ADK: variants seen among roughly 807,000 people sequenced by gnomAD.
ADK encodes N6,N6-dimethyladenosine kinase.
In ADK, 24 loss-of-function variants were observed where a neutral mutation model predicts 44.7. That is an observed-to-expected ratio of 0.54 (90% confidence interval 0.39 to 0.76). The LOEUF (loss-of-function observed/expected upper bound fraction) is 0.76, where lower values mean the gene tolerates loss of function less well. ADK is among the 30% of genes least tolerant of loss of function. ADK has a pLI of 0.00. For synonymous variants in ADK, 128 were observed against 142.6 expected, an observed-to-expected ratio of 0.90 and a Z score of 0.73; for missense variants, 321 against 425.1, an observed-to-expected ratio of 0.76 and a Z score of 2.15.
At chr10:74,398,629 T>G in intron 6 of ADK, 50 bp downstream of exon 6, 3 of 1,050,782 alleles carry the variant, frequency 2.9e-6, no homozygotes, top group Non-Finnish European at 4.3e-6. Flanking sequence ...CATGATGGAT[T>G]ATAGTTGTTG....
At chr10:74,464,843 A>AAGAGAGAGAAAAAGAG (rs1554862943) in intron 6 of ADK, among the ~76,000 whole-genome samples, 2 of 151,804 alleles carry the variant, frequency 1.3e-5, no homozygotes, top group African/African-American at 4.8e-5. Flanking sequence ...TTAAGAAAAA[A>AAGAGAGAGAAAAAGAG]AGAGAGAGAG....
chr10:74,335,137 C>G (rs912154650), intron 4 of ADK, among the ~76,000 whole-genome samples: 1 of 152,186 alleles, frequency 6.6e-6, no homozygotes, highest in African/African-American at 2.4e-5. Context: ...TCTACCTGCC[C>G]TGTGACCAAT....
chr10:74,479,450 A>C (rs1846986996), intron 6 of ADK, among the ~76,000 whole-genome samples: 1 of 108,274 alleles, frequency 9.2e-6, no homozygotes, highest in African/African-American at 3.6e-5. Flanking sequence ...AGCCACTTTG[A>C]ATTGGTTTGT....
At chr10:74,589,222 G>A in intron 7 of ADK, 60 bp from the exon 8 acceptor site, 1 of 1,504,544 alleles carries the variant, frequency 6.6e-7, no homozygotes, top group Admixed American at 1.7e-5. Flanking sequence ...TCAAAAAATG[G>A]ATTATTTCTT....
At chr10:74,487,832 A>G (rs1044184473) in intron 6 of ADK, among the ~76,000 whole-genome samples, 2 of 152,016 alleles carry the variant, frequency 1.3e-5, no homozygotes, top group African/African-American at 4.8e-5. Flanking sequence ...AAATGTTAGA[A>G]CAGTTAAAAA....
At chr10:74,482,684 T>A (rs1300339365) in intron 6 of ADK, among the ~76,000 whole-genome samples, 1 of 152,204 alleles carries the variant, frequency 6.6e-6, no homozygotes, top group Non-Finnish European at 1.5e-5. Context: ...GATACAGGCA[T>A]TGGGTAAATC....
intron 6 of ADK, among the ~76,000 whole-genome samples, chr10:74,510,392 T>C (rs192249505): frequency 3.6e-4 from 55 of 152,308 alleles, no homozygotes; most frequent in African/African-American, 1.3e-3. Context: ...CATTTACCTA[T>C]TTTTTAATAA....
At chr10:74,351,486 G>A (rs892422226) in intron 4 of ADK, among the ~76,000 whole-genome samples, 6 of 152,154 alleles carry the variant, frequency 3.9e-5, no homozygotes, top group Admixed American at 1.3e-4. Flanking sequence ...AAAGCTGGAA[G>A]CATTCCCTTT....
intron 7 of ADK, among the ~76,000 whole-genome samples, chr10:74,583,495 G>T (rs1002252842): frequency 6.6e-6 from 1 of 152,154 alleles, no homozygotes; most frequent in African/African-American, 2.4e-5. Context: ...CATTTAGATA[G>T]CATATATCTA....
At chr10:74,439,970 A>G (rs1159390321) in intron 6 of ADK, among the ~76,000 whole-genome samples, 2 of 151,970 alleles carry the variant, frequency 1.3e-5, no homozygotes, top group Non-Finnish European at 2.9e-5. Context: ...TAGTTTTCTT[A>G]TAATAAGGTA....
chr10:74,509,620 A>G (rs1350113599), intron 6 of ADK: 1 of 152,180 alleles, frequency 6.6e-6, no homozygotes, highest in East Asian at 1.9e-4. Context: ...TATTTAAACT[A>G]TTTAATATAT....
intron 7 of ADK, among the ~76,000 whole-genome samples, chr10:74,534,886 A>C (rs548134040): frequency 6.6e-6 from 1 of 152,204 alleles, no homozygotes; most frequent in Non-Finnish European, 1.5e-5. Context: ...TTTGCTTACA[A>C]AAGTTAATTA....
At chr10:74,450,995 A>G (rs892757476) in intron 6 of ADK, among the ~76,000 whole-genome samples, 3 of 151,760 alleles carry the variant, frequency 2.0e-5, no homozygotes, top group Admixed American at 6.5e-5. Flanking sequence ...ATGCCCAAGG[A>G]AAAACAATAC....
At chr10:74,180,362 C>T (rs1842495704) in intron 1 of ADK, among the ~76,000 whole-genome samples, 4 of 150,450 alleles carry the variant, frequency 2.7e-5, no homozygotes, top group East Asian at 1.9e-4. Flanking sequence ...CTCAGCCTCC[C>T]GAGTAGCTGG....
chr10:74,260,337 A>G (rs1026092076), intron 3 of ADK, among the ~76,000 whole-genome samples: 1 of 152,200 alleles, frequency 6.6e-6, no homozygotes, highest in African/African-American at 2.4e-5. Context: ...TGGTGTGATC[A>G]CAGCTCACTG....
intron 5 of ADK, among the ~76,000 whole-genome samples, chr10:74,395,522 G>A (rs1053471031): frequency 6.6e-6 from 1 of 151,794 alleles, no homozygotes; most frequent in African/African-American, 2.4e-5. Flanking sequence ...TTGAAATATG[G>A]GATTCAGGGA....
At chr10:74,222,840 A>C (rs1032822487) in intron 2 of ADK, among the ~76,000 whole-genome samples, 1 of 120,592 alleles carries the variant, frequency 8.3e-6, no homozygotes, top group Non-Finnish European at 1.6e-5. Flanking sequence ...GAAGGGGAAC[A>C]TCACACTCTG....
chr10:74,618,759 TA>T (rs1415477874), intron 9 of ADK, among the ~76,000 whole-genome samples: 1 of 152,120 alleles, frequency 6.6e-6, no homozygotes, highest in East Asian at 1.9e-4. Context: ...TGCTCTTTTA[TA>T]TATAATATTT....
chr10:74,196,709 A>G (rs1221653695), intron 1 of ADK, among the ~76,000 whole-genome samples: 1 of 152,194 alleles, frequency 6.6e-6, no homozygotes, highest in South Asian at 2.1e-4. Context: ...AAACAAAACT[A>G]CCGACATATG....
Sources: allele counts gnomAD v4.1 joint callset (sites outside exome capture counted in the v4.1 genomes callset), GRCh38; gene constraint gnomAD v4.1.1; transcripts MANE v1.5; gene names NCBI Gene and HGNC (gene_info 2026-07-23, HGNC 2026-07-21).